Variants in NEBL observed in about 807,000 individuals in gnomAD.
NEBL encodes the protein LIM and SH3 protein 2.
A neutral mutation model predicts 140.2 loss-of-function variants in NEBL; 122 were observed. The observed-to-expected ratio is 0.87, with a 90% confidence interval of 0.75 to 1.01. The LOEUF is 1.01. NEBL is among the 50% of genes least tolerant of loss of function. The pLI, the probability that NEBL is intolerant of heterozygous loss-of-function variation, is 0.00. For missense variants in NEBL, 1,365 were observed against 1,231.3 expected (o/e 1.11, Z -1.62); for synonymous variants, 436 against 398.9 (o/e 1.09, Z -1.11).
At chr10:21,196,322 T>TTTAA (rs1220616030) in intron 3 of NEBL, among the ~76,000 whole-genome samples, 1 of 138,058 alleles carries the variant, frequency 7.2e-6, no homozygotes, top group African/African-American at 3.1e-5. Context: ...TTTTTATTTA[T>TTTAA]TTATTTATTT....
intron 2 of NEBL, chr10:21,126,162 G>C (rs1167102817): frequency 1.3e-6 from 2 of 1,580,140 alleles, no homozygotes; most frequent in East Asian, 2.3e-5. Flanking sequence ...TTCAAGCCTG[G>C]TACCCCCCAT....
rs889082120 is a variant in NEBL at position 20,903,198 on chromosome 10, G to A, written c.357+58474C>T. On this transcript the variant is annotated intron_variant, in intron 4 of 6. Coordinates refer to the NEBL transcript ENST00000417816. ...ATGATAAAGTTTAATTTATAAACTA[G>A]GATAGTAATGGCATGAAAAGACATT... Among the ~76,000 whole-genome samples, 27 of 152,194 alleles carry A rather than the reference G, an allele frequency of 1.8e-4. No homozygotes were observed. The East Asian group carries it at 2.9e-3, about 16-fold the overall frequency.
At chr10:21,104,660 T>A (rs1303564272) in intron 2 of NEBL, among the ~76,000 whole-genome samples, 3 of 152,196 alleles carry the variant, frequency 2.0e-5, no homozygotes, top group Non-Finnish European at 4.4e-5. Context: ...TAGACAATCA[T>A]GTGGTCTGTG....
chr10:21,069,184 T>C (rs1466204551), intron 2 of NEBL, among the ~76,000 whole-genome samples: 1 of 152,198 alleles, frequency 6.6e-6, no homozygotes, highest in Non-Finnish European at 1.5e-5. Flanking sequence ...CCACCACACC[T>C]GGCCCATCAT....
chr10:20,962,311 A>T (rs1292054739), intron 3 of NEBL, among the ~76,000 whole-genome samples: 1 of 152,224 alleles, frequency 6.6e-6, no homozygotes, highest in East Asian at 1.9e-4. Flanking sequence ...CTGTCCAAGA[A>T]GTTTTTATTC....
chr10:20,939,674 T>C (rs1834732800), intron 4 of NEBL, among the ~76,000 whole-genome samples: 1 of 152,058 alleles, frequency 6.6e-6, no homozygotes, highest in South Asian at 2.1e-4. Context: ...ATCCGTGTGC[T>C]GTATTCAGGA....
At chr10:21,096,354 G>A (rs573550053) in intron 2 of NEBL, among the ~76,000 whole-genome samples, 8 of 152,114 alleles carry the variant, frequency 5.3e-5, no homozygotes, top group South Asian at 2.1e-4. Flanking sequence ...TATAAAACTC[G>A]CTTCTCAAAA....
At chr10:20,841,109 T>A (rs1841376606) in intron 12 of NEBL, among the ~76,000 whole-genome samples, 1 of 152,118 alleles carries the variant, frequency 6.6e-6, no homozygotes, top group South Asian at 2.1e-4. Context: ...GGATTTTTTT[T>A]AAAGACATCT....
At position 21,093,150 on chromosome 10, in the gene NEBL, C is replaced by CTTTTTTTTCTTTTTT. The variant is rs780514379; in HGVS notation, c.165-72950_165-72949insAAAAAAGAAAAAAAA. Among the ~76,000 whole-genome samples, 61 of 95,038 alleles carry CTTTTTTTTCTTTTTT rather than the reference C, an allele frequency of 6.4e-4. 2 individuals are homozygous for CTTTTTTTTCTTTTTT. Among genetic ancestry groups the CTTTTTTTTCTTTTTT allele is most frequent in the African/African-American group, 2.6e-3 (60 of 23,314 alleles). The allele number at this position is 95,038 out of a possible 152,430, so 62.3% of individuals were successfully genotyped here. On this transcript the variant is annotated intron_variant, in intron 2 of 6. Coordinates refer to the NEBL transcript ENST00000417816. ...TACTTTTATTCATTTAGCAACAAGT[C>CTTTTTTTTCTTTTTT]TTTTTTTTTTTTTTTCCATTTTAGC...
In NEBL at chr10:21,107,260, C is replaced by T. The variant is rs137903071; in HGVS notation, c.164+65123G>A. 1.3e-3 allele frequency among the ~76,000 whole-genome samples: 190 copies of T among 152,000 alleles called. 1 individual carries two copies. Among genetic ancestry groups the T allele is most frequent in the Non-Finnish European group, 2.0e-3 (134 of 67,912 alleles). On this transcript the variant is annotated intron_variant, in intron 2 of 6. Coordinates refer to the NEBL transcript ENST00000417816. Reference sequence around the variant, plus strand: ...GAGAGAGGGCATTCTTGTCTTGTGACGGTTTTCAAAGGGTGCCCATTCGCT... The same window carrying T: ...GAGAGAGGGCATTCTTGTCTTGTGATGGTTTTCAAAGGGTGCCCATTCGCT...
At chr10:21,171,704 G>C (rs1178414113) in intron 2 of NEBL, 1 of 155,074 alleles carries the variant, frequency 6.4e-6, no homozygotes, top group East Asian at 1.9e-4. Context: ...CGATATAAAT[G>C]CTAGCTAATT....
intron 13 of NEBL, among the ~76,000 whole-genome samples, chr10:20,836,993 C>G (rs1025700340): frequency 7.2e-5 from 11 of 152,236 alleles, no homozygotes; most frequent in Admixed American, 5.2e-4. Flanking sequence ...ATCAGCCGTT[C>G]CTCTATCTCT....
intron 2 of NEBL, among the ~76,000 whole-genome samples, chr10:21,112,595 G>A (rs769534238): frequency 2.4e-4 from 36 of 151,168 alleles, no homozygotes; most frequent in African/African-American, 3.2e-4. Flanking sequence ...GTCGGGGGGT[G>A]GGGGACTGGG....
At chr10:20,793,120 T>C (rs12355975) in intron 26 of NEBL, among the ~76,000 whole-genome samples, 12,329 of 152,232 alleles carry the variant, frequency 0.081, 569 homozygotes, top group Admixed American at 0.11. Flanking sequence ...GATTTTAGTT[T>C]GCAGATTCTT....
chr10:21,098,878 C>T (rs1244366453), intron 2 of NEBL, among the ~76,000 whole-genome samples: 1 of 152,200 alleles, frequency 6.6e-6, no homozygotes, highest in African/African-American at 2.4e-5. Flanking sequence ...CCTGTAATCT[C>T]ATAATCCCAA....
intron 2 of NEBL, among the ~76,000 whole-genome samples, chr10:21,161,690 G>C (rs187570527): frequency 2.0e-5 from 3 of 152,066 alleles, no homozygotes; most frequent in East Asian, 1.9e-4. Flanking sequence ...TGACTGACTG[G>C]GGATGGTGGA....
chr10:21,063,899 AAAT>A (rs1564498031), intron 2 of NEBL, among the ~76,000 whole-genome samples: 1 of 151,186 alleles, frequency 6.6e-6, no homozygotes. Context: ...AAATAAATAT[AAAT>A]ATAAATATAA....
intron 2 of NEBL, among the ~76,000 whole-genome samples, chr10:21,052,472 C>T (rs1036421094): frequency 4.6e-5 from 7 of 152,194 alleles, no homozygotes; most frequent in African/African-American, 1.7e-4. Context: ...CCAATCCAGC[C>T]TTGCTCAGGA....
chr10:20,932,929 A>G (rs1235613647), intron 4 of NEBL, among the ~76,000 whole-genome samples: 1 of 152,260 alleles, frequency 6.6e-6, no homozygotes, highest in Non-Finnish European at 1.5e-5. Flanking sequence ...TGATTTGAAT[A>G]CTTGCATAAA....
Sources: allele counts gnomAD v4.1 joint callset (sites outside exome capture counted in the v4.1 genomes callset), GRCh38; gene constraint gnomAD v4.1.1; transcripts MANE v1.5; gene names NCBI Gene and HGNC (gene_info 2026-07-23, HGNC 2026-07-21).